ULK4: variants seen among roughly 807,000 people sequenced by gnomAD.
The protein encoded by ULK4 is inactive serine/threonine-protein kinase ULK4.
A neutral mutation model predicts 160.6 loss-of-function variants in ULK4; 133 were observed. The observed-to-expected ratio is 0.83, with a 90% CI of 0.72 to 0.96. The LOEUF (loss-of-function observed/expected upper bound fraction) is 0.96. Ranked by LOEUF, ULK4 falls within the 40% of genes least tolerant of loss-of-function variation. ULK4 has a pLI of 0.00. For missense variants in ULK4, 1,580 were observed against 1,499.5 expected, an observed-to-expected ratio of 1.05 and a Z score of -0.89; for synonymous variants, 534 against 539.8, an observed-to-expected ratio of 0.99 and a Z score of 0.15.
intron 35 of ULK4, among the ~76,000 whole-genome samples, chr3:41,293,791 T>G (rs1403978374): frequency 6.6e-6 from 1 of 152,234 alleles, no homozygotes; most frequent in Admixed American, 6.5e-5. Context: ...TTCTTAGCTA[T>G]TATTATATAA....
chr3:41,888,778 A>G (rs200841223), intron 16 of ULK4, among the ~76,000 whole-genome samples: 1 of 142,214 alleles, frequency 7.0e-6, no homozygotes, highest in East Asian at 2.1e-4. Context: ...GGGAAGGGGT[A>G]AATGAGGAAA....
intron 19 of ULK4, among the ~76,000 whole-genome samples, chr3:41,803,368 C>G (rs150477748): frequency 1.1e-4 from 17 of 152,220 alleles, no homozygotes; most frequent in African/African-American, 3.9e-4. Flanking sequence ...ATCTTAGCAA[C>G]TCCATACTCA....
intron 5 of ULK4, among the ~76,000 whole-genome samples, chr3:41,927,305 C>T (rs576895730): frequency 2.0e-5 from 3 of 152,158 alleles, no homozygotes; most frequent in Admixed American, 2.0e-4. Flanking sequence ...GCTGAGAGAT[C>T]TTCTCACAAC....
At chr3:41,759,097 A>T (rs898760536) in intron 21 of ULK4, among the ~76,000 whole-genome samples, 1 of 152,204 alleles carries the variant, frequency 6.6e-6, no homozygotes, top group Non-Finnish European at 1.5e-5. Flanking sequence ...GATGACAGAC[A>T]AGGTGTTTCC....
chr3:41,767,798 A>C (rs1163632240), intron 21 of ULK4, among the ~76,000 whole-genome samples: 1 of 152,146 alleles, frequency 6.6e-6, no homozygotes, highest in Non-Finnish European at 1.5e-5. Flanking sequence ...TTTTTTCTCA[A>C]AAGCCTTAAA....
At chr3:41,359,772 A>G (rs1359710063) in intron 35 of ULK4, among the ~76,000 whole-genome samples, 1 of 152,208 alleles carries the variant, frequency 6.6e-6, no homozygotes, top group Non-Finnish European at 1.5e-5. Context: ...TACAAAAATC[A>G]ACTCAAGATG....
chr3:41,272,343 GTTTTTTTTTTTTT>G (rs3038324), intron 35 of ULK4, among the ~76,000 whole-genome samples: 3 of 95,476 alleles, frequency 3.1e-5, no homozygotes, highest in East Asian at 3.2e-4. Context: ...AATTTTGAAA[GTTTTTTTTTTTTT>G]TTTTTTTTTT....
In ULK4 at chr3:41,262,853, T is replaced by C. The variant is rs78860108; in HGVS notation, c.3679-13279A>G. Among the ~76,000 whole-genome samples the C allele has an allele frequency of 3.6e-3, 543 of 152,344 alleles. 8 individuals are homozygous for C. Among genetic ancestry groups the C allele is most frequent in the South Asian group, 3.3e-3 (16 of 4,830 alleles). ...AATGTTGAATATAATATAGCTGCTTTGGGAAGTCTTTTAGGCCTGATCCAA... is the reference window on the plus strand; with the variant it reads ...AATGTTGAATATAATATAGCTGCTTCGGGAAGTCTTTTAGGCCTGATCCAA... On this transcript the variant is annotated intron_variant, in intron 35 of 36. Transcript: ENST00000301831.
At chr3:41,418,699 T>C (rs1416950455) in intron 34 of ULK4, among the ~76,000 whole-genome samples, 1 of 152,202 alleles carries the variant, frequency 6.6e-6, no homozygotes, top group South Asian at 2.1e-4. Context: ...AGGTAGAGTT[T>C]TGCAGTCCCT....
At chr3:41,883,757 C>T in intron 17 of ULK4, 117 bp downstream of exon 17, 2 of 900,374 alleles carry the variant, frequency 2.2e-6, no homozygotes, top group Non-Finnish European at 1.8e-6. Context: ...AGAACGATTG[C>T]CACAATCCCA....
At chr3:41,510,173 A>T (rs1206506944) in intron 32 of ULK4, among the ~76,000 whole-genome samples, 1 of 152,222 alleles carries the variant, frequency 6.6e-6, no homozygotes, top group Non-Finnish European at 1.5e-5. Context: ...AGTGAACAGG[A>T]ATAGCTATTC....
chr3:41,388,460 C>A (rs1203799764), intron 35 of ULK4, among the ~76,000 whole-genome samples: 1 of 151,974 alleles, frequency 6.6e-6, no homozygotes, highest in Admixed American at 6.6e-5. Context: ...ATGCCTATGT[C>A]CTGAATGGTA....
chr3:41,727,127 C>T (rs775121188), intron 22 of ULK4, among the ~76,000 whole-genome samples: 6 of 152,150 alleles, frequency 3.9e-5, no homozygotes, highest in Admixed American at 1.3e-4. Context: ...TCCACCTTTA[C>T]GTAACTCTGA....
intron 35 of ULK4, among the ~76,000 whole-genome samples, chr3:41,396,100 T>G (rs1307003577): frequency 6.6e-6 from 1 of 152,146 alleles, no homozygotes; most frequent in African/African-American, 2.4e-5. Flanking sequence ...TAGAAAGCTC[T>G]GAAAATCCAA....
chr3:41,537,758 G>T (rs982372217), intron 32 of ULK4, among the ~76,000 whole-genome samples: 2 of 152,164 alleles, frequency 1.3e-5, no homozygotes, highest in Non-Finnish European at 2.9e-5. Context: ...CTGGCAGCTA[G>T]TGTTTCTTCC....
intron 30 of ULK4, among the ~76,000 whole-genome samples, chr3:41,616,126 GA>G (rs1276433814): frequency 6.6e-6 from 1 of 152,104 alleles, no homozygotes; most frequent in East Asian, 1.9e-4. Flanking sequence ...TCAGCATTAA[GA>G]AATTAATGTA....
At chr3:41,580,492 C>T (rs1271474223) in intron 31 of ULK4, among the ~76,000 whole-genome samples, 1 of 151,194 alleles carries the variant, frequency 6.6e-6, no homozygotes, top group Non-Finnish European at 1.5e-5. Context: ...GGCTCTACTA[C>T]ATCAGGGCTA....
chr3:41,378,406 TA>T (rs1219855458), intron 35 of ULK4, among the ~76,000 whole-genome samples: 1 of 148,502 alleles, frequency 6.7e-6, no homozygotes, highest in Non-Finnish European at 1.5e-5. Context: ...ATAAATAAAA[TA>T]AAATGAGTGG....
At chr3:41,638,500 AC>A (rs1362643098) in intron 30 of ULK4, among the ~76,000 whole-genome samples, 1 of 152,180 alleles carries the variant, frequency 6.6e-6, no homozygotes, top group Non-Finnish European at 1.5e-5. Context: ...AAGAACCATG[AC>A]TTCACCGCCT....
Sources: allele counts gnomAD v4.1 joint callset (sites outside exome capture counted in the v4.1 genomes callset), GRCh38; gene constraint gnomAD v4.1.1; transcripts MANE v1.5; gene names NCBI Gene and HGNC (gene_info 2026-07-23, HGNC 2026-07-21).